Variants in SLC4A4 observed in about 807,000 individuals in gnomAD.
SLC4A4 encodes solute carrier family 4 member 4.
In SLC4A4, 27 loss-of-function variants were observed where a neutral mutation model predicts 111.5. That is an observed-to-expected ratio of 0.24 (90% CI 0.18 to 0.33). The LOEUF is 0.33. SLC4A4 is among the 10% of genes least tolerant of loss of function. SLC4A4 has a pLI of 1.00. For synonymous variants in SLC4A4, 443 were observed against 463.4 expected (o/e 0.96, Z 0.57); for missense variants, 909 against 1,315.5 (o/e 0.69, Z 4.78).
chr4:71,339,096 A>G (rs142234913), intron 3 of SLC4A4: 20 of 1,597,150 alleles, frequency 1.3e-5, no homozygotes, highest in Non-Finnish European at 1.6e-5. Flanking sequence ...TCTGAGGGCT[A>G]AAGGTTCTTT....
intron 8 of SLC4A4, among the ~76,000 whole-genome samples, chr4:71,446,343 A>G (rs1030576076): frequency 6.6e-6 from 1 of 152,188 alleles, no homozygotes; most frequent in Non-Finnish European, 1.5e-5. Context: ...TTCTGGTACC[A>G]TAAAAATCTT....
At chr4:71,424,762 A>G (rs1577866723) in intron 7 of SLC4A4, among the ~76,000 whole-genome samples, 1 of 152,130 alleles carries the variant, frequency 6.6e-6, no homozygotes, top group African/African-American at 2.4e-5. Context: ...AACACCGCAT[A>G]TTCTCACTCA....
At chr4:71,345,123 G>A (rs1250734369) in intron 4 of SLC4A4, among the ~76,000 whole-genome samples, 1 of 152,110 alleles carries the variant, frequency 6.6e-6, no homozygotes, top group Non-Finnish European at 1.5e-5. Context: ...AGCACAAGTT[G>A]AATATGGTAA....
At chr4:71,084,678 G>A (rs950291851) in intron 1 of SLC4A4, among the ~76,000 whole-genome samples, 5 of 152,010 alleles carry the variant, frequency 3.3e-5, no homozygotes, top group Non-Finnish European at 7.3e-5. Flanking sequence ...CCTTGCGATA[G>A]TTTGCTGAGA....
At chr4:71,428,689 A>G (rs1162341410) in intron 7 of SLC4A4, among the ~76,000 whole-genome samples, 2 of 152,110 alleles carry the variant, frequency 1.3e-5, no homozygotes, top group African/African-American at 4.8e-5. Context: ...AGAGGAAAGA[A>G]CAATAAGAAT....
chr4:71,428,608 C>T (rs907196958), intron 7 of SLC4A4, among the ~76,000 whole-genome samples: 6 of 151,636 alleles, frequency 4.0e-5, no homozygotes, highest in African/African-American at 1.5e-4. Context: ...TACCCGAAGA[C>T]AATGGAAGGG....
At chr4:71,187,937 G>T (rs1211255835) in intron 1 of SLC4A4, among the ~76,000 whole-genome samples, 1 of 152,216 alleles carries the variant, frequency 6.6e-6, no homozygotes, top group Non-Finnish European at 1.5e-5. Context: ...AAGGCGGGGG[G>T]TGAGTCAGGC....
intron 1 of SLC4A4, among the ~76,000 whole-genome samples, chr4:71,232,249 A>G (rs1223516350): frequency 1.3e-5 from 2 of 152,212 alleles, no homozygotes; most frequent in African/African-American, 4.8e-5. Flanking sequence ...TCAAAGAGCC[A>G]AGGAATGCAC....
chr4:71,315,356 T>G (rs750341060), intron 3 of SLC4A4, among the ~76,000 whole-genome samples: 14 of 152,128 alleles, frequency 9.2e-5, no homozygotes, highest in Non-Finnish European at 2.1e-4. Context: ...TTGAGTTGGA[T>G]TCTCTAGGAA....
At chr4:71,180,003 G>A (rs549275977) in intron 2 of SLC4A4, among the ~76,000 whole-genome samples, 112 of 152,204 alleles carry the variant, frequency 7.4e-4, no homozygotes, top group African/African-American at 2.5e-3. Flanking sequence ...CCAAAACAGA[G>A]ATATAGATCA....
intron 1 of SLC4A4, among the ~76,000 whole-genome samples, chr4:71,218,425 A>G (rs1425817426): frequency 6.6e-6 from 1 of 152,190 alleles, no homozygotes; most frequent in Non-Finnish European, 1.5e-5. Flanking sequence ...CTTCCAACTT[A>G]ATTTTGGAAT....
intron 2 of SLC4A4, among the ~76,000 whole-genome samples, chr4:71,253,911 C>G (rs1388080617): frequency 1.3e-5 from 2 of 152,170 alleles, no homozygotes; most frequent in African/African-American, 4.8e-5. Context: ...CACTTAGGTT[C>G]TGCATTGCTT....
At chr4:71,325,865 A>G (rs1727461249) in intron 3 of SLC4A4, among the ~76,000 whole-genome samples, 1 of 151,872 alleles carries the variant, frequency 6.6e-6, no homozygotes, top group Admixed American at 6.6e-5. Flanking sequence ...ACAGATGACC[A>G]CTACAATGTG....
intron 1 of SLC4A4, among the ~76,000 whole-genome samples, chr4:71,085,741 C>T (rs1244804385): frequency 6.6e-6 from 1 of 151,960 alleles, no homozygotes; most frequent in Non-Finnish European, 1.5e-5. Context: ...TTTCTGAGGG[C>T]TCTGTTCTGT....
chr4:71,234,686 A>C (rs533837667), intron 1 of SLC4A4, among the ~76,000 whole-genome samples: 1 of 152,158 alleles, frequency 6.6e-6, no homozygotes, highest in Non-Finnish European at 1.5e-5. Context: ...TGGCCTGCCG[A>C]GGGATTACAG....
intron 1 of SLC4A4, among the ~76,000 whole-genome samples, chr4:71,085,220 T>C (rs1403075144): frequency 6.6e-6 from 1 of 152,102 alleles, no homozygotes; most frequent in Non-Finnish European, 1.5e-5. Flanking sequence ...AAAGTGTCTG[T>C]TCATATCCTT....
chr4:71,425,412 C>T (rs1273290500), intron 7 of SLC4A4, among the ~76,000 whole-genome samples: 1 of 152,124 alleles, frequency 6.6e-6, no homozygotes, highest in Non-Finnish European at 1.5e-5. Context: ...TCTTCCTTCT[C>T]TTCTACAGTG....
rs1002455871 is a variant in SLC4A4, at chr4:71,549,548, G to T, written c.2694+1828G>T. 5.3e-5 allele frequency among the ~76,000 whole-genome samples: 8 copies of T among 151,836 alleles called. No homozygotes were observed. The East Asian group carries it at 1.4e-3, about 26-fold the overall frequency. ...TTTCATCAGTTCTAATTTACTCATCGCCTCCCCCATTTTTCTTTTATTTTT... is the reference window on the plus strand; with the variant it reads ...TTTCATCAGTTCTAATTTACTCATCTCCTCCCCCATTTTTCTTTTATTTTT... On this transcript the variant is annotated intron_variant, in intron 20 of 25. Coordinates refer to ENST00000264485, the MANE Select transcript of SLC4A4 (RefSeq NM_001098484.3).
At chr4:71,095,883 C>A (rs1243075493) in intron 2 of SLC4A4, among the ~76,000 whole-genome samples, 2 of 151,898 alleles carry the variant, frequency 1.3e-5, no homozygotes, top group African/African-American at 4.8e-5. Flanking sequence ...TAGTCTGAGA[C>A]CTGAAGGATG....
Sources: gnomAD v4.1 joint callset for allele counts (sites outside exome capture counted in the v4.1 genomes callset) on GRCh38, gnomAD v4.1.1 for gene constraint, MANE v1.5 for transcripts, NCBI Gene and HGNC (gene_info 2026-07-23, HGNC 2026-07-21) for gene names.